MARCHF5: variants seen among roughly 807,000 people sequenced by gnomAD.
MARCHF5 encodes the protein membrane associated ring-CH-type finger 5.
A neutral mutation model predicts 36.5 loss-of-function variants in MARCHF5; 5 were observed. That is an observed-to-expected ratio of 0.14 (90% CI 0.07 to 0.29). MARCHF5 has a LOEUF of 0.29. Ranked by LOEUF, MARCHF5 falls within the 10% of genes least tolerant of loss-of-function variation. MARCHF5 has a pLI of 1.00. For missense variants in MARCHF5, 179 were observed against 336.3 expected (o/e 0.53, Z 3.66); for synonymous variants, 103 against 109.9 (o/e 0.94, Z 0.39).
chr10:92,336,283 C>T (rs1843501185), intron 2 of MARCHF5, among the ~76,000 whole-genome samples: 1 of 152,196 alleles, frequency 6.6e-6, no homozygotes. Flanking sequence ...GTGATCCGCC[C>T]ACCTTGGCCT....
chr10:92,306,982 C>G (rs1564944120), intron 1 of MARCHF5, among the ~76,000 whole-genome samples: 1 of 152,176 alleles, frequency 6.6e-6, no homozygotes, highest in East Asian at 1.9e-4. Context: ...CCACTGCACT[C>G]CAGCCTAGGT....
intron 2 of MARCHF5, among the ~76,000 whole-genome samples, chr10:92,315,537 C>T (rs1019898196): frequency 6.6e-5 from 10 of 152,216 alleles, no homozygotes; most frequent in African/African-American, 2.4e-4. Flanking sequence ...ACTTCAGTGG[C>T]TTCTTGTCCC....
At chr10:92,346,414 A>C (rs1445431191) in intron 3 of MARCHF5, among the ~76,000 whole-genome samples, 2 of 150,946 alleles carry the variant, frequency 1.3e-5, no homozygotes, top group Non-Finnish European at 3.0e-5. Context: ...AACTTGCTTG[A>C]GCATGGGGCA....
chr10:92,337,902 G>A (rs1843523982), intron 2 of MARCHF5, among the ~76,000 whole-genome samples: 2 of 151,824 alleles, frequency 1.3e-5, no homozygotes, highest in African/African-American at 2.4e-5. Context: ...GGCCAGGCAT[G>A]GTGGTACATG....
At chr10:92,349,640 A>G (rs1843695254) in intron 4 of MARCHF5, 31 bp from the exon 5 acceptor site, 1 of 1,605,420 alleles carries the variant, frequency 6.2e-7, no homozygotes, top group African/African-American at 1.3e-5. Flanking sequence ...CTGATTTATT[A>G]GCACTAACGC....
rs1161293704 is a variant in MARCHF5, at chr10:92,304,248, C to T, written c.36-6887C>T. 1.1e-4 allele frequency among the ~76,000 whole-genome samples: 17 copies of T among 152,294 alleles called. No homozygotes were observed. The East Asian group carries it at 3.1e-3, about 28-fold the overall frequency. ...AACTTGAATGGAAAGCTGACACCAT[C>T]ACTGTCATCATTGTCAATGTTGTTA... is the stretch of plus-strand genomic sequence containing the variant. On this transcript the variant is annotated intron_variant, in intron 1 of 5. Coordinates refer to ENST00000358935, the MANE Select transcript of MARCHF5 (RefSeq NM_017824.5).
intron 1 of MARCHF5, among the ~76,000 whole-genome samples, chr10:92,296,915 C>T (rs1348352813): frequency 6.6e-6 from 1 of 152,132 alleles, no homozygotes; most frequent in Non-Finnish European, 1.5e-5. Flanking sequence ...GTCAGTTGAC[C>T]TCTTTTTCTC....
At chr10:92,339,563 A>G (rs891522903) in intron 2 of MARCHF5, among the ~76,000 whole-genome samples, 2 of 151,432 alleles carry the variant, frequency 1.3e-5, no homozygotes, top group Non-Finnish European at 2.9e-5. Flanking sequence ...CTAGCTACTC[A>G]GGACGCTGAG....
At chr10:92,292,407 C>T (rs12411618) in intron 1 of MARCHF5, among the ~76,000 whole-genome samples, 15,582 of 152,208 alleles carry the variant, frequency 0.1, 1,118 homozygotes, top group Non-Finnish European at 0.14. Flanking sequence ...GCTTACAATT[C>T]TCAATAGACA....
intron 2 of MARCHF5, among the ~76,000 whole-genome samples, chr10:92,327,689 A>G (rs1232868199): frequency 3.3e-5 from 5 of 152,240 alleles, no homozygotes; most frequent in Non-Finnish European, 5.9e-5. Flanking sequence ...AATACACAGA[A>G]CTAGTTATAT....
chr10:92,331,464 A>G (rs968997679), intron 2 of MARCHF5, among the ~76,000 whole-genome samples: 1 of 152,068 alleles, frequency 6.6e-6, no homozygotes, highest in Admixed American at 6.6e-5. Flanking sequence ...TTTTCTTAAC[A>G]TCTGTATAGT....
At chr10:92,349,022 C>G (rs993998222) in intron 3 of MARCHF5, among the ~76,000 whole-genome samples, 2 of 152,160 alleles carry the variant, frequency 1.3e-5, no homozygotes, top group African/African-American at 4.8e-5. Flanking sequence ...ATCCCAGTTC[C>G]GTAGCCCAGT....
intron 1 of MARCHF5, among the ~76,000 whole-genome samples, chr10:92,303,278 A>G (rs1843037472): frequency 6.6e-6 from 1 of 152,220 alleles, no homozygotes; most frequent in Non-Finnish European, 1.5e-5. Flanking sequence ...TGTAATATCT[A>G]GCTTCATCTT....
chr10:92,345,992 G>C (rs932431187), intron 3 of MARCHF5, among the ~76,000 whole-genome samples: 1 of 151,906 alleles, frequency 6.6e-6, no homozygotes, highest in Non-Finnish European at 1.5e-5. Context: ...GCCCAGCCAG[G>C]CCTTTATTTT....
intron 2 of MARCHF5, among the ~76,000 whole-genome samples, chr10:92,334,180 ACT>A (rs1843474793): frequency 6.6e-6 from 1 of 152,176 alleles, no homozygotes; most frequent in Admixed American, 6.5e-5. Context: ...ATAGAGCGAG[ACT>A]CTGTCTCGGA....
chr10:92,327,649 C>T lies in MARCHF5; in HGVS notation c.239-13024C>T, dbSNP rs74151603. Among the ~76,000 whole-genome samples, 312 of 152,324 alleles carry T rather than the reference C, an allele frequency of 2.0e-3. 1 individual carries two copies. Among genetic ancestry groups the T allele is most frequent in the African/African-American group, 7.1e-3 (294 of 41,572 alleles). On this transcript the variant is annotated intron_variant, in intron 2 of 5. Transcript: ENST00000358935. The stretch of plus-strand genomic sequence containing the variant: ...CAACGGTGTATTGGAGTGCCTGCTT[C>T]CCCATTGCCTTTGCCAACATGCTGC...
intron 5 of MARCHF5, among the ~76,000 whole-genome samples, chr10:92,350,762 T>C (rs1016310190): frequency 1.3e-5 from 2 of 152,208 alleles, no homozygotes; most frequent in African/African-American, 4.8e-5. Context: ...CCTTTGGCCT[T>C]TCTTGCTCCC....
At chr10:92,335,001 A>G (rs1268128834) in intron 2 of MARCHF5, among the ~76,000 whole-genome samples, 1 of 152,200 alleles carries the variant, frequency 6.6e-6, no homozygotes, top group Non-Finnish European at 1.5e-5. Context: ...TTCAGTTGCC[A>G]TTCGTTATGT....
chr10:92,308,868 C>T (rs1843110684), intron 1 of MARCHF5, among the ~76,000 whole-genome samples: 1 of 152,020 alleles, frequency 6.6e-6, no homozygotes, highest in Non-Finnish European at 1.5e-5. Flanking sequence ...CCATGCCCAA[C>T]TAATTTTTTT....
Sources: gnomAD v4.1 joint callset for allele counts (sites outside exome capture counted in the v4.1 genomes callset) on GRCh38, gnomAD v4.1.1 for gene constraint, MANE v1.5 for transcripts, NCBI Gene and HGNC (gene_info 2026-07-23, HGNC 2026-07-21) for gene names.